The following VPS4B variants were observed in gnomAD, a reference collection of about 807,000 sequenced individuals.
VPS4B encodes vacuolar protein sorting 4 homolog B, also known as vacuolar protein sorting-associated protein 4B.
VPS4B carries 23 observed loss-of-function variants against 56.1 expected under a neutral mutation model. The observed-to-expected ratio is 0.41, with a 90% CI of 0.30 to 0.58. The LOEUF (loss-of-function observed/expected upper bound fraction) is 0.58. VPS4B is among the 20% of genes least tolerant of loss of function. The pLI is 0.29. For synonymous variants in VPS4B, 177 were observed against 186.0 expected (o/e 0.95, Z 0.39); for missense variants, 372 against 531.9 (o/e 0.70, Z 2.96).
At position 63,416,707 on chromosome 18, in the gene VPS4B, G is replaced by A. The variant is rs560314281; in HGVS notation, c.28-5129C>T. 2.6e-5 allele frequency among the ~76,000 whole-genome samples: 4 copies of A among 152,116 alleles called. No individual in the cohort carries two copies. In the South Asian group the frequency reaches 8.3e-4, roughly 32 times the overall value. Reference sequence around the variant, plus strand: ...ATCTACAAGGTCTGAAATAACCTGGGCCCTAGCTACGTGTGGTTCTCCCCG... The same window carrying A: ...ATCTACAAGGTCTGAAATAACCTGGACCCTAGCTACGTGTGGTTCTCCCCG... On this transcript the variant is annotated intron_variant, in intron 1 of 10. Transcript: ENST00000238497.
In VPS4B at chr18:63,400,578, G is replaced by T. The variant is rs755611326; in HGVS notation, c.610C>A (p.Leu204Ile). The change falls in exon 6 of 11, where the codon CTT becomes ATT. Residue 204 changes from leucine (L) to isoleucine (I), a missense_variant. Around this residue, in one of 3 missense-constraint regions of VPS4B, gnomAD observed 66 missense variants for 150.7 expected, o/e 0.44. Transcript: ENST00000238497. ...CTTTCACCTAGCCACTTAGAAACAA[G>T]ATCAGAGGAAGATATTGAAAAAAAT... ...STFFSISSSDLVSKWLGESEK... is the reference protein window; with the variant it reads ...STFFSISSSDIVSKWLGESEK... 6.8e-6 allele frequency: 11 copies of T among 1,608,718 alleles called. No individual in the cohort carries two copies. The Admixed American group carries it at 1.0e-4, about 15-fold the overall frequency.
Position 63,397,144 on chromosome 18 carries a change from C to A in VPS4B, c.982G>T (p.Glu328Ter). 3 of 1,614,186 alleles carry A rather than the reference C, an allele frequency of 1.9e-6. No homozygotes were observed. The highest frequency in any genetic ancestry group is 1.7e-6 in the Non-Finnish European group (2 of 1,180,046). ...TAACCATCTGTTTTCCTCCCAAGTT[C>A]CCGAAAGTCTGCTTCCGTGAGACTG... ...QNSLTEADFR[E>*]LGRKTDGYSG... is the part of the protein sequence containing the mutation. Residue 328 changes from glutamate to a stop codon, truncating the protein, a stop_gained, in exon 9 of 11, where the codon GAA (glutamate) becomes TAA (stop). Coordinates refer to ENST00000238497, the MANE Select transcript of VPS4B (RefSeq NM_004869.4). LOFTEE classifies it high-confidence loss of function.
chr18:63,398,204 C>CACACACATATATATATATAT (rs1298374245), intron 8 of VPS4B, among the ~76,000 whole-genome samples: 32 of 112,476 alleles, frequency 2.8e-4, no homozygotes, highest in African/African-American at 8.8e-4. Flanking sequence ...CACACACACA[C>CACACACATATATATATATAT]ATATATATAT....
At chr18:63,415,590 T>G in intron 1 of VPS4B, 1 of 258,608 alleles carries the variant, frequency 3.9e-6, no homozygotes, top group Non-Finnish European at 8.0e-6. Context: ...TGATGTGCCC[T>G]GAGTGAAGCA....
In VPS4B at chr18:63,400,550, T is replaced by G; in HGVS notation, c.638A>C (p.Glu213Ala). 1 of 1,605,630 alleles carries G rather than the reference T, an allele frequency of 6.2e-7. No individual in the cohort carries two copies. The highest frequency in any genetic ancestry group is 1.3e-5 in the African/African-American group (1 of 74,316). The change falls in exon 6 of 11, where the codon GAA becomes GCA. Residue 213 changes from glutamate (E) to alanine (A), a missense_variant. Glu to Ala is a moderately radical substitution (Grantham distance 107). Coordinates refer to ENST00000238497, the MANE Select transcript of VPS4B (RefSeq NM_004869.4). ...DLVSKWLGES[E>A]KLVKNLFQLA... is the part of the protein sequence containing the mutation. Reference sequence around the variant, plus strand: ...AAAAAATTGATTTACTACTTACTTTTCACTTTCACCTAGCCACTTAGAAAC... The same window carrying G: ...AAAAAATTGATTTACTACTTACTTTGCACTTTCACCTAGCCACTTAGAAAC...
Position 63,403,804 on chromosome 18 carries a change from T to C in VPS4B, c.387A>G (p.Pro129=). The C allele has an allele frequency of 6.2e-7, 1 of 1,613,030 alleles. No individual in the cohort carries two copies. The highest frequency in any genetic ancestry group is 1.1e-5 in the South Asian group (1 of 90,830). The change falls in exon 5 of 11, where the codon CCA becomes CCG. Residue 129 remains proline, a synonymous_variant. Coordinates refer to ENST00000238497, the MANE Select transcript of VPS4B (RefSeq NM_004869.4). ...CAGCAACGTCACTCCATTTCACATTTGGTCGTTCTATAACAATGGCACCTG... is the reference window on the plus strand; with the variant it reads ...CAGCAACGTCACTCCATTTCACATTCGGTCGTTCTATAACAATGGCACCTG... The part of the protein sequence containing the change: ...QLQGAIVIER[P]NVKWSDVAGL...
chr18:63,411,619 A>G, intron 1 of VPS4B, 41 bp from the exon 2 acceptor site: 1 of 1,419,488 alleles, frequency 7.0e-7, no homozygotes, highest in Non-Finnish European at 9.4e-7. Context: ...AAATCAAAGC[A>G]TAAACATAAA....
chr18:63,409,769 T>C (rs900044377), intron 3 of VPS4B, among the ~76,000 whole-genome samples: 8 of 152,242 alleles, frequency 5.3e-5, no homozygotes, highest in Non-Finnish European at 1.2e-4. Context: ...TCAAAAAATT[T>C]TGCATAAGAT....
chr18:63,410,477 C>A (rs768191666), intron 2 of VPS4B, 31 bp from the exon 3 acceptor site: 7 of 1,603,230 alleles, frequency 4.4e-6, no homozygotes, highest in Non-Finnish European at 5.9e-6. Context: ...AGATTTTTTT[C>A]CATTAGTATT....
At chr18:63,404,407 C>T (rs931556480) in intron 4 of VPS4B, 2 of 152,072 alleles carry the variant, frequency 1.3e-5, no homozygotes, top group African/African-American at 2.4e-5. Flanking sequence ...AGAAAAGATA[C>T]CCCTGCAGAT....
In VPS4B at chr18:63,421,220, T is replaced by C. The variant is rs536114783; in HGVS notation, c.27+1013A>G. ...GATGAAAGTCCCAAGCAAGCCTCCT[T>C]TCCCACTCTTTTTGTGTATGTGTGT... On this transcript the variant is annotated intron_variant, in intron 1 of 10. Transcript: ENST00000238497. Among the ~76,000 whole-genome samples, 6 of 152,288 alleles carry C rather than the reference T, an allele frequency of 3.9e-5. No individual in the cohort carries two copies. In the East Asian group the frequency reaches 7.7e-4, roughly 20 times the overall value.
chr18:63,413,131 T>C (rs925766354), intron 1 of VPS4B, among the ~76,000 whole-genome samples: 1 of 151,898 alleles, frequency 6.6e-6, no homozygotes, highest in Non-Finnish European at 1.5e-5. Flanking sequence ...TAAAAACACA[T>C]AAGGACAAGT....
chr18:63,405,301 T>C (rs1915891343), intron 4 of VPS4B, among the ~76,000 whole-genome samples: 2 of 152,124 alleles, frequency 1.3e-5, no homozygotes, highest in African/African-American at 2.4e-5. Context: ...ATTCACTGAA[T>C]AAAATTAGCT....
intron 8 of VPS4B, among the ~76,000 whole-genome samples, chr18:63,398,340 G>T (rs955961046): frequency 6.6e-5 from 10 of 151,584 alleles, no homozygotes. Context: ...TCAGCTTCCC[G>T]AGTAGCTGGG....
chr18:63,409,067 G>C (rs1289665693), intron 3 of VPS4B, among the ~76,000 whole-genome samples: 2 of 152,168 alleles, frequency 1.3e-5, no homozygotes, highest in Non-Finnish European at 2.9e-5. Context: ...GAAACCCTAA[G>C]TTGGAATTCA....
intron 1 of VPS4B, among the ~76,000 whole-genome samples, chr18:63,413,394 C>T (rs949741527): frequency 2.6e-5 from 4 of 152,034 alleles, no homozygotes; most frequent in Admixed American, 6.6e-5. Flanking sequence ...AAAAAATTGA[C>T]CAGGCGTAGC....
chr18:63,408,776 A>G (rs1218037230), intron 3 of VPS4B, among the ~76,000 whole-genome samples: 2 of 152,180 alleles, frequency 1.3e-5, no homozygotes, highest in African/African-American at 4.8e-5. Context: ...TTTTGCTTAA[A>G]TTAGCCAAAG....
At chr18:63,392,120 C>T (rs969326000) in intron 10 of VPS4B, among the ~76,000 whole-genome samples, 4 of 152,040 alleles carry the variant, frequency 2.6e-5, no homozygotes, top group Admixed American at 1.3e-4. Flanking sequence ...ATCTATGTAC[C>T]GTGTAAAAGT....
At chr18:63,410,509 C>T in intron 2 of VPS4B, 63 bp from the exon 3 acceptor site, 2 of 1,566,506 alleles carry the variant, frequency 1.3e-6, no homozygotes, top group Non-Finnish European at 1.7e-6. Flanking sequence ...GGTTTGAACT[C>T]TTAAATATGT....
Sources: allele counts gnomAD v4.1 joint callset (sites outside exome capture counted in the v4.1 genomes callset), GRCh38; gene constraint gnomAD v4.1.1; regional missense constraint gnomAD v4.1.1; transcripts MANE v1.5; gene names NCBI Gene and HGNC (gene_info 2026-07-23, HGNC 2026-07-21).